The following NCOR2 variants were observed in gnomAD, a reference collection of about 807,000 sequenced individuals.
NCOR2 encodes CTG repeat protein 26.
A neutral mutation model predicts 262.9 loss-of-function variants in NCOR2; 81 were observed. The observed-to-expected ratio is 0.31, with a 90% confidence interval of 0.26 to 0.37. NCOR2 has a LOEUF of 0.37. Ranked by LOEUF, NCOR2 falls within the 10% of genes least tolerant of loss-of-function variation. NCOR2 has a pLI of 1.00. For synonymous variants in NCOR2, 1,659 were observed against 1,559.3 expected, an observed-to-expected ratio of 1.06 and a Z score of -1.51; for missense variants, 3,385 against 3,621.4, an observed-to-expected ratio of 0.93 and a Z score of 1.68.
At position 124,517,618 on chromosome 12, in the gene NCOR2, G is replaced by A. The variant is rs1408073053; in HGVS notation, c.-118+17947C>T. ...AGGGCAGAGCCTCGGGAGCGCCCAC[G>A]ATCACATGCCCTCCTGAAGTCAACT... On this transcript the variant is annotated intron_variant, in intron 1 of 46. Coordinates refer to the NCOR2 transcript ENST00000404621. The surrounding 1 kb of genome is among the most constrained non-coding windows in gnomAD (Gnocchi z 7.6). Among the ~76,000 whole-genome samples, 2 of 152,174 alleles carry A rather than the reference G, an allele frequency of 1.3e-5. No homozygotes were observed. Among genetic ancestry groups the A allele is most frequent in the Non-Finnish European group, 2.9e-5 (2 of 68,022 alleles).
At chr12:124,329,149 G>A (rs922352175) in intron 44 of NCOR2, 2 of 470,056 alleles carry the variant, frequency 4.3e-6, no homozygotes, top group East Asian at 6.9e-5. Context: ...TTCTTCTTGT[G>A]GACTAAAACT....
chr12:124,325,388 C>CCCCCCCCCCG, exon 47 of NCOR2: 1 of 693,386 alleles, frequency 1.4e-6, no homozygotes, highest in Non-Finnish European at 2.0e-6. Context: ...CCCCCCCCCC[C>CCCCCCCCCCG]GCCCTGTTCT....
intron 16 of NCOR2, among the ~76,000 whole-genome samples, chr12:124,392,106 A>G (rs908311580): frequency 2.0e-5 from 3 of 152,224 alleles, no homozygotes; most frequent in African/African-American, 7.2e-5. Flanking sequence ...CCACGTGACG[A>G]CAGGCATCAT....
chr12:124,339,882 C>T, intron 37 of NCOR2, 124 bp downstream of exon 39: 1 of 1,101,544 alleles, frequency 9.1e-7, no homozygotes, highest in Non-Finnish European at 1.3e-6. Context: ...TTCTTCTACC[C>T]CCACACATCT....
chr12:124,524,638 C>A (rs1020013948), intron 1 of NCOR2, among the ~76,000 whole-genome samples: 1 of 152,230 alleles, frequency 6.6e-6, no homozygotes, highest in African/African-American at 2.4e-5. Flanking sequence ...GAGGACCCAT[C>A]AACTCCCCGT....
exon 11 of NCOR2, chr12:124,426,679 T>C (rs2043572144): frequency 1.9e-6 from 3 of 1,610,718 alleles, no homozygotes; most frequent in Non-Finnish European, 2.5e-6. Flanking sequence ...CTGGCGGTCT[T>C]TGTACACCTT....
intron 22 of NCOR2, among the ~76,000 whole-genome samples, chr12:124,358,214 ATG>A (rs891239483): frequency 4.3e-5 from 6 of 140,318 alleles, no homozygotes; most frequent in African/African-American, 8.1e-5. Flanking sequence ...GTGCATGTGC[ATG>A]TGTGTGTGAG....
intron 44 of NCOR2, among the ~76,000 whole-genome samples, chr12:124,328,223 G>T (rs1025087544): frequency 6.6e-6 from 1 of 151,782 alleles, no homozygotes; most frequent in East Asian, 1.9e-4. Flanking sequence ...GTGCAGCCCC[G>T]TACCTCCCCA....
intron 6 of NCOR2, among the ~76,000 whole-genome samples, chr12:124,452,266 C>T (rs1479554191): frequency 6.6e-6 from 1 of 152,224 alleles, no homozygotes; most frequent in African/African-American, 2.4e-5. Context: ...TGGCAAGGGG[C>T]CCTGTGAAGA....
chr12:124,558,571 A>C (rs1242868977), intron 1 of NCOR2, among the ~76,000 whole-genome samples: 3 of 152,208 alleles, frequency 2.0e-5, no homozygotes, highest in Non-Finnish European at 4.4e-5. Context: ...GGCTGGGACC[A>C]CGTCTCTCAC....
At chr12:124,374,358 G>A in intron 19 of NCOR2, 55 bp downstream of exon 21, 1 of 1,573,752 alleles carries the variant, frequency 6.4e-7, no homozygotes, top group Admixed American at 1.7e-5. Context: ...CGGGGACCTT[G>A]GGATGCCCGC....
At chr12:124,496,333 C>T (rs1325311858), upstream of NCOR2, among the ~76,000 whole-genome samples, 1 of 152,006 alleles carries the variant, frequency 6.6e-6, no homozygotes, top group Non-Finnish European at 1.5e-5. The surrounding 1 kb of genome is among the most constrained non-coding windows in gnomAD (Gnocchi z 4.4). Flanking sequence ...GCCCCCTCCA[C>T]ACTCTCCCTG....
intron 3 of NCOR2, among the ~76,000 whole-genome samples, chr12:124,479,715 G>T (rs1167998806): frequency 1.3e-5 from 2 of 152,260 alleles, no homozygotes; most frequent in African/African-American, 4.8e-5. Flanking sequence ...CAAAACAAAA[G>T]AGGAGAAAGC....
chr12:124,347,866 T>G lies in NCOR2; in HGVS notation c.4031A>C (p.His1344Pro), dbSNP rs918629525. The G allele has an allele frequency of 2.6e-6, 4 of 1,568,342 alleles. No homozygotes were observed. The African/African-American group carries it at 5.4e-5, about 21-fold the overall frequency. ...GCGGATGTGGTGCTGCTCTTTGAGG[T>G]GGTGGGGGCTGTGTCGCTCCGGCGG... The change falls in exon 30 of 47, where the codon CAC (histidine) becomes CCC (proline). Residue 1344 changes from histidine to proline, a missense_variant. Transcript: ENST00000405201.
chr12:124,467,696 A>G (rs1489604741), intron 4 of NCOR2, among the ~76,000 whole-genome samples: 2 of 112,578 alleles, frequency 1.8e-5, no homozygotes, highest in African/African-American at 7.1e-5. Context: ...GACCTCCATC[A>G]TCCTTATCAC....
At chr12:124,340,682 G>A (rs2036385386) in exon 35 of NCOR2, 8 of 1,524,628 alleles carry the variant, frequency 5.2e-6, no homozygotes, top group Non-Finnish European at 7.0e-6. Flanking sequence ...GTCCATGGCG[G>A]TGGCTGGGGT....
chr12:124,439,809 A>T (rs567708138), intron 7 of NCOR2, among the ~76,000 whole-genome samples: 2 of 152,084 alleles, frequency 1.3e-5, no homozygotes, highest in African/African-American at 4.8e-5. Context: ...GAGGAAGATG[A>T]AACTAGGAGA....
chr12:124,563,037 C>G (rs2052122370), intron 1 of NCOR2, among the ~76,000 whole-genome samples: 1 of 152,222 alleles, frequency 6.6e-6, no homozygotes, highest in Admixed American at 6.5e-5. Context: ...AGCTGCAGAG[C>G]TGAACAGCAA....
At chr12:124,439,190 G>GA (rs2044635070) in intron 7 of NCOR2, among the ~76,000 whole-genome samples, 1 of 151,994 alleles carries the variant, frequency 6.6e-6, no homozygotes, top group Non-Finnish European at 1.5e-5. Flanking sequence ...GAGAGAGAGA[G>GA]ACGGAGACCC....
Sources: allele counts gnomAD v4.1 joint callset (sites outside exome capture counted in the v4.1 genomes callset), GRCh38; gene constraint gnomAD v4.1.1; non-coding constraint Gnocchi (gnomAD v3.1); transcripts MANE v1.5; gene names NCBI Gene and HGNC (gene_info 2026-07-23, HGNC 2026-07-21).